The following AFF3 variants were observed in gnomAD, a reference collection of about 807,000 sequenced individuals.
AFF3 encodes AF4/FMR2 family member 3.
A neutral mutation model predicts 129.7 loss-of-function variants in AFF3; 32 were observed. That is an observed-to-expected ratio of 0.25 (90% CI 0.19 to 0.33). The LOEUF is 0.33. AFF3 is among the 10% of genes least tolerant of loss of function. The pLI is 1.00. For missense variants in AFF3, 1,373 were observed against 1,592.0 expected (o/e 0.86, Z 2.34); for synonymous variants, 644 against 635.4 (o/e 1.01, Z -0.20).
At chr2:100,000,874 T>G (rs572625600) in intron 7 of AFF3, among the ~76,000 whole-genome samples, 1 of 152,194 alleles carries the variant, frequency 6.6e-6, no homozygotes, top group Non-Finnish European at 1.5e-5. Flanking sequence ...CTCTTCCCTG[T>G]ATATCTGAAA....
intron 4 of AFF3, chr2:100,011,369 G>C (rs1315256999): frequency 6.8e-6 from 5 of 739,090 alleles, no homozygotes; most frequent in African/African-American, 3.4e-5. Flanking sequence ...CCCTCAGTCA[G>C]GTCAACCCAA....
chr2:99,967,139 C>T (rs138045576), intron 7 of AFF3, among the ~76,000 whole-genome samples: 3 of 152,202 alleles, frequency 2.0e-5, no homozygotes, highest in South Asian at 2.1e-4. Context: ...TGCTCTTTCC[C>T]CCAGTCCTTC....
At chr2:100,105,709 G>A in intron 2 of AFF3, 126 bp from the exon 3 acceptor site, 3 of 1,359,676 alleles carry the variant, frequency 2.2e-6, no homozygotes, top group Non-Finnish European at 2.9e-6. Flanking sequence ...TCTCCATCAG[G>A]GCCCTACCTC....
At chr2:100,035,642 G>A (rs1684837685) in intron 4 of AFF3, among the ~76,000 whole-genome samples, 2 of 152,150 alleles carry the variant, frequency 1.3e-5, no homozygotes, top group Non-Finnish European at 2.9e-5. Flanking sequence ...CATTTGAAGA[G>A]CAAAAACCTT....
At chr2:100,055,475 AAAAG>A (rs1427871301) in intron 4 of AFF3, among the ~76,000 whole-genome samples, 4 of 151,092 alleles carry the variant, frequency 2.6e-5, no homozygotes, top group African/African-American at 9.7e-5. Flanking sequence ...AAAAAAAAAA[AAAAG>A]AAAAGAAAAG....
intron 7 of AFF3, among the ~76,000 whole-genome samples, chr2:99,976,303 T>C (rs1009648606): frequency 2.0e-5 from 3 of 152,336 alleles, no homozygotes; most frequent in East Asian, 1.9e-4. Context: ...AAGAGTTTTA[T>C]GTAAAATGTG....
chr2:100,077,974 C>T (rs922936000), intron 4 of AFF3, among the ~76,000 whole-genome samples: 17 of 152,220 alleles, frequency 1.1e-4, no homozygotes, highest in African/African-American at 3.9e-4. Flanking sequence ...AATTTCTCAT[C>T]TCTTGCTAGT....
In AFF3 at chr2:99,742,888, G is replaced by A. The variant is rs908123274; in HGVS notation, c.1039+1216C>T. On this transcript the variant is annotated intron_variant, in intron 10 of 24. Transcript: ENST00000672756. ...TTCTGTCTGTCAAAAATGCCAAGCT[G>A]GCAGAAGGTGCATTTATTCATCTGT... Among the ~76,000 whole-genome samples, 9 of 152,286 alleles carry A rather than the reference G, an allele frequency of 5.9e-5. No individual in the cohort carries two copies. In the South Asian group the frequency reaches 1.0e-3, roughly 18 times the overall value.
chr2:100,059,473 A>C (rs903681905), intron 4 of AFF3, among the ~76,000 whole-genome samples: 6 of 152,124 alleles, frequency 3.9e-5, no homozygotes, highest in African/African-American at 1.2e-4. Flanking sequence ...GGCTGTGGAG[A>C]AACTGGAACC....
Position 100,072,222 on chromosome 2 carries a change from T to G in AFF3, c.53+32180A>C, listed in dbSNP as rs192370096. On this transcript the variant is annotated intron_variant, in intron 4 of 24. Transcript: ENST00000672756. Reference sequence around the variant, plus strand: ...AGGGTGAGTGAGCCTGAGCTCCACCTCCTGTCAGATCACCGGCGGCATTAG... The same window carrying G: ...AGGGTGAGTGAGCCTGAGCTCCACCGCCTGTCAGATCACCGGCGGCATTAG... Among the ~76,000 whole-genome samples, 948 of 152,260 alleles carry G rather than the reference T, an allele frequency of 6.2e-3. 7 individuals are homozygous for G. Among genetic ancestry groups the G allele is most frequent in the Admixed American group, 0.012 (181 of 15,292 alleles).
chr2:99,947,025 G>A (rs1228888119), intron 7 of AFF3, among the ~76,000 whole-genome samples: 3 of 152,070 alleles, frequency 2.0e-5, no homozygotes, highest in Non-Finnish European at 2.9e-5. Context: ...TATTTGATTC[G>A]GTCGTTCATT....
At chr2:100,032,508 T>C (rs1002609796) in intron 4 of AFF3, among the ~76,000 whole-genome samples, 5 of 152,148 alleles carry the variant, frequency 3.3e-5, no homozygotes, top group Admixed American at 1.3e-4. Flanking sequence ...ATCTAAGTTC[T>C]GTCGAAGTTC....
At chr2:99,766,163 A>C (rs1272786374) in intron 8 of AFF3, among the ~76,000 whole-genome samples, 1 of 152,234 alleles carries the variant, frequency 6.6e-6, no homozygotes, top group African/African-American at 2.4e-5. Flanking sequence ...AAGCCTGGGC[A>C]AGAATAAACC....
chr2:100,082,635 A>C (rs1457885179), intron 4 of AFF3, among the ~76,000 whole-genome samples: 1 of 152,158 alleles, frequency 6.6e-6, no homozygotes, highest in Admixed American at 6.5e-5. Context: ...TGCATAATGG[A>C]GGGGAAAAAA....
chr2:100,056,539 C>G (rs1686800132), intron 4 of AFF3, among the ~76,000 whole-genome samples: 1 of 152,186 alleles, frequency 6.6e-6, no homozygotes, highest in Non-Finnish European at 1.5e-5. Context: ...CTGCAAGTTC[C>G]TTCCGTGCCC....
Position 99,649,655 on chromosome 2 carries a change from C to T in AFF3, c.1155G>A (p.Gln385=). The T allele has an allele frequency of 6.2e-7, 1 of 1,614,172 alleles. No individual in the cohort carries two copies. Among genetic ancestry groups the T allele is most frequent in the Non-Finnish European group, 8.5e-7 (1 of 1,180,024 alleles). Residue 385 remains glutamine, a synonymous_variant, in exon 13 of 25, where the codon CAG becomes CAA. Transcript: ENST00000672756. ...DEEENEQQAA[Q]RTALRALSDS... ...CAGAGAGAGCGCGGAGAGCCGTTCT[C>T]TGAGCTGCCTGCTGGAAGAAAGAAA... is the stretch of plus-strand genomic sequence containing the variant.
intron 10 of AFF3, among the ~76,000 whole-genome samples, chr2:99,742,486 G>A (rs1447677990): frequency 2.6e-5 from 4 of 152,278 alleles, no homozygotes; most frequent in East Asian, 1.9e-4. Flanking sequence ...AGAAGCATCC[G>A]TTTTTATAGA....
At chr2:99,838,463 T>C (rs1689062926) in intron 7 of AFF3, among the ~76,000 whole-genome samples, 1 of 152,244 alleles carries the variant, frequency 6.6e-6, no homozygotes, top group African/African-American at 2.4e-5. Context: ...TTCCTGGTTT[T>C]TCTAGTTAAT....
At chr2:99,917,550 C>G (rs1371766043) in intron 7 of AFF3, among the ~76,000 whole-genome samples, 1 of 152,160 alleles carries the variant, frequency 6.6e-6, no homozygotes. Context: ...CTAGGCTCGT[C>G]AAGGAAGGTG....
Sources: gnomAD v4.1 joint callset for allele counts (sites outside exome capture counted in the v4.1 genomes callset) on GRCh38, gnomAD v4.1.1 for gene constraint, MANE v1.5 for transcripts, NCBI Gene and HGNC (gene_info 2026-07-23, HGNC 2026-07-21) for gene names.